MCC: variants seen among roughly 807,000 people sequenced by gnomAD.
MCC encodes colorectal mutant cancer protein.
Under a neutral mutation model 116.2 loss-of-function variants are expected in MCC, and 90 were observed. The ratio of observed to expected loss-of-function variants is 0.77; its 90% confidence interval spans 0.65 to 0.92. The LOEUF is 0.92. Among genes scored for constraint, MCC ranks in the 40% least tolerant of loss-of-function variants. MCC has a pLI of 0.00. For synonymous variants in MCC, 578 were observed against 510.5 expected (o/e 1.13, Z -1.78); for missense variants, 1,516 against 1,312.2 (o/e 1.16, Z -2.40).
intron 3 of MCC, among the ~76,000 whole-genome samples, chr5:113,220,384 C>A (rs1232809900): frequency 6.6e-6 from 1 of 151,982 alleles, no homozygotes; most frequent in Non-Finnish European, 1.5e-5. Flanking sequence ...ACTGAAATGT[C>A]TGCTGAGATT....
At chr5:113,293,810 G>C (rs974092915) in intron 3 of MCC, among the ~76,000 whole-genome samples, 1 of 152,060 alleles carries the variant, frequency 6.6e-6, no homozygotes, top group Non-Finnish European at 1.5e-5. Flanking sequence ...TCCCCAGCGC[G>C]GGTCATTCAT....
rs372756810 is a variant in MCC, at chr5:113,196,238, T to G, written c.628-44816A>C. Among the ~76,000 whole-genome samples, 3 of 152,302 alleles carry G rather than the reference T, an allele frequency of 2.0e-5. No individual in the cohort carries two copies. In the East Asian group the frequency reaches 5.8e-4, roughly 29 times the overall value. On this transcript the variant is annotated intron_variant, in intron 3 of 18. Transcript: ENST00000408903. Reference sequence around the variant, plus strand: ...CACCTAGTGCTGGGTTTTAGAAGCATTGCTGGATGGATGAATGACCCTCTT... The same window carrying G: ...CACCTAGTGCTGGGTTTTAGAAGCAGTGCTGGATGGATGAATGACCCTCTT...
At chr5:113,308,403 A>G (rs1838205) in intron 3 of MCC, among the ~76,000 whole-genome samples, 47,823 of 152,022 alleles carry the variant, frequency 0.31, 8,856 homozygotes, top group African/African-American at 0.5. Context: ...AAATATTAGG[A>G]AACAATTCTT....
intron 1 of MCC, among the ~76,000 whole-genome samples, chr5:113,441,017 A>G (rs757666694): frequency 6.6e-5 from 10 of 152,204 alleles, no homozygotes; most frequent in Admixed American, 1.3e-4. Flanking sequence ...AAATAAACAG[A>G]AAAGACAGAC....
intron 3 of MCC, among the ~76,000 whole-genome samples, chr5:113,312,161 C>T (rs1396447411): frequency 6.6e-6 from 1 of 152,012 alleles, no homozygotes; most frequent in Non-Finnish European, 1.5e-5. Flanking sequence ...CCTGTGGTCC[C>T]AGCTACTGGG....
chr5:113,034,921 C>T (rs1463421233), intron 17 of MCC, among the ~76,000 whole-genome samples: 2 of 152,234 alleles, frequency 1.3e-5, no homozygotes, highest in African/African-American at 4.8e-5. Context: ...TACTCCATGA[C>T]AAAATACTGG....
intron 5 of MCC, among the ~76,000 whole-genome samples, chr5:113,132,387 CAT>C (rs112148771): frequency 0.27 from 36,888 of 136,840 alleles, 5,543 homozygotes; most frequent in South Asian, 0.37. Context: ...TATATACATA[CAT>C]ATATATATAC....
chr5:113,065,601 C>T (rs1384265855), intron 13 of MCC, among the ~76,000 whole-genome samples: 2 of 152,098 alleles, frequency 1.3e-5, no homozygotes, highest in African/African-American at 4.8e-5. Flanking sequence ...CTGCCGAGGC[C>T]CAGAGAAACT....
intron 3 of MCC, among the ~76,000 whole-genome samples, chr5:113,255,205 C>T (rs533440669): frequency 2.2e-4 from 33 of 152,094 alleles, no homozygotes; most frequent in Non-Finnish European, 4.3e-4. Context: ...TATTATTCCC[C>T]CACCCCTTTT....
At chr5:113,164,997 G>C (rs568861500) in intron 3 of MCC, among the ~76,000 whole-genome samples, 2 of 152,290 alleles carry the variant, frequency 1.3e-5, no homozygotes, top group East Asian at 3.9e-4. Context: ...TACCCAAAAA[G>C]ACCTTGTTCC....
chr5:113,308,280 G>A (rs1398190913), intron 3 of MCC, among the ~76,000 whole-genome samples: 1 of 152,132 alleles, frequency 6.6e-6, no homozygotes, highest in Non-Finnish European at 1.5e-5. Context: ...TCTGTTCTCT[G>A]AAGTCCTTCA....
At chr5:113,390,245 T>C (rs1451031875) in intron 1 of MCC, among the ~76,000 whole-genome samples, 2 of 152,220 alleles carry the variant, frequency 1.3e-5, no homozygotes, top group African/African-American at 2.4e-5. Context: ...TTACACAAAA[T>C]TGTACTGAAC....
At chr5:113,361,297 T>C (rs1158748451) in intron 2 of MCC, among the ~76,000 whole-genome samples, 3 of 152,020 alleles carry the variant, frequency 2.0e-5, no homozygotes, top group African/African-American at 7.2e-5. Flanking sequence ...TGTACCTCTA[T>C]AGTGCTTTTC....
intron 11 of MCC, among the ~76,000 whole-genome samples, chr5:113,074,714 C>A (rs1392405768): frequency 6.6e-6 from 1 of 152,230 alleles, no homozygotes; most frequent in Non-Finnish European, 1.5e-5. Context: ...GAGCTGAAAA[C>A]CACGGCACAA....
At chr5:113,301,712 G>C (rs1045431931) in intron 3 of MCC, among the ~76,000 whole-genome samples, 1 of 152,286 alleles carries the variant, frequency 6.6e-6, no homozygotes, top group African/African-American at 2.4e-5. Flanking sequence ...TGGACAGGCA[G>C]AGGGAACAGT....
At chr5:113,122,615 C>A (rs1050278982) in intron 6 of MCC, 69 bp downstream of exon 6, 6 of 1,573,852 alleles carry the variant, frequency 3.8e-6, no homozygotes. Context: ...GGCTGCCTCA[C>A]ATTTCTAAAA....
intron 17 of MCC, among the ~76,000 whole-genome samples, chr5:113,042,319 A>AAAAAG (rs1751766506): frequency 6.8e-6 from 1 of 148,128 alleles, no homozygotes; most frequent in African/African-American, 2.5e-5. Context: ...AAAAAAAAAA[A>AAAAAG]AAAAAATTAG....
At chr5:113,082,357 C>T (rs970290502) in intron 11 of MCC, among the ~76,000 whole-genome samples, 2 of 152,250 alleles carry the variant, frequency 1.3e-5, no homozygotes, top group Non-Finnish European at 2.9e-5. Flanking sequence ...CCAGGAATGG[C>T]TCTACCAGAT....
chr5:113,254,445 GT>G (rs1201315163), intron 3 of MCC, among the ~76,000 whole-genome samples: 1 of 152,146 alleles, frequency 6.6e-6, no homozygotes, highest in Non-Finnish European at 1.5e-5. Context: ...CATTCAAAAA[GT>G]TTGTATAATC....
Sources: allele counts gnomAD v4.1 joint callset (sites outside exome capture counted in the v4.1 genomes callset), GRCh38; gene constraint gnomAD v4.1.1; transcripts MANE v1.5; gene names NCBI Gene and HGNC (gene_info 2026-07-23, HGNC 2026-07-21).